The following AP1AR variants were observed in gnomAD, a reference collection of about 807,000 sequenced individuals.
AP1AR encodes AP-1 complex-associated regulatory protein.
AP1AR carries 29 observed loss-of-function variants against 46.3 expected under a neutral mutation model. The ratio of observed to expected loss-of-function variants is 0.63; its 90% CI spans 0.47 to 0.85. The LOEUF (loss-of-function observed/expected upper bound fraction) is 0.85. Ranked by LOEUF, AP1AR falls within the 40% of genes least tolerant of loss-of-function variation. The pLI is 0.00. For synonymous variants in AP1AR, 122 were observed against 122.9 expected (o/e 0.99, Z 0.05); for missense variants, 357 against 356.3 (o/e 1.00, Z -0.02).
intron 2 of AP1AR, among the ~76,000 whole-genome samples, chr4:112,253,962 TA>T (rs1241062955): frequency 3.3e-5 from 5 of 152,152 alleles, no homozygotes; most frequent in African/African-American, 1.2e-4. Flanking sequence ...CAAACTAATA[TA>T]AAAAAAGATA....
chr4:112,254,714 T>C, intron 2 of AP1AR, 33 bp from the exon 3 acceptor site: 1 of 1,440,434 alleles, frequency 6.9e-7, no homozygotes, highest in Non-Finnish European at 9.4e-7. Context: ...AAGACAAATA[T>C]TCCTCTTAAC....
chr4:112,256,448 G>A (rs17604008), intron 3 of AP1AR, among the ~76,000 whole-genome samples: 87,841 of 152,016 alleles, frequency 0.58, 26,386 homozygotes, highest in African/African-American at 0.75. Flanking sequence ...TCCCAGCATC[G>A]TAACACTTTT....
At chr4:112,257,545 T>C (rs1256329564) in intron 3 of AP1AR, among the ~76,000 whole-genome samples, 1 of 152,222 alleles carries the variant, frequency 6.6e-6, no homozygotes, top group South Asian at 2.1e-4. Flanking sequence ...TTTTATGTAA[T>C]TAAGCTAGAT....
intron 1 of AP1AR, among the ~76,000 whole-genome samples, chr4:112,232,572 T>G (rs1295894209): frequency 6.6e-6 from 1 of 152,200 alleles, no homozygotes; most frequent in Non-Finnish European, 1.5e-5. Flanking sequence ...TGACCCTCTC[T>G]TTAGCCCTGG....
chr4:112,260,892 A>G (rs755607226), intron 5 of AP1AR, 30 bp downstream of exon 5: 2 of 1,341,130 alleles, frequency 1.5e-6, no homozygotes, highest in East Asian at 2.4e-5. Flanking sequence ...GCTTAAGTAC[A>G]TGTTATCATA....
At chr4:112,241,462 A>G (rs181778426) in intron 1 of AP1AR, among the ~76,000 whole-genome samples, 249 of 152,330 alleles carry the variant, frequency 1.6e-3, no homozygotes, top group African/African-American at 5.3e-3. Context: ...GCGGAAGACC[A>G]GTGTCTCAGC....
At chr4:112,264,925 A>T in intron 6 of AP1AR, 84 bp from the exon 7 acceptor site, 1 of 1,038,936 alleles carries the variant, frequency 9.6e-7, no homozygotes, top group Non-Finnish European at 1.4e-6. Context: ...CTAGAAAAAA[A>T]TACTTTTTGG....
At chr4:112,244,329 A>C (rs1725632991) in intron 1 of AP1AR, among the ~76,000 whole-genome samples, 1 of 152,218 alleles carries the variant, frequency 6.6e-6, no homozygotes, top group Non-Finnish European at 1.5e-5. Context: ...AAGAGCCCAC[A>C]AATTTTGAAG....
intron 4 of AP1AR, among the ~76,000 whole-genome samples, chr4:112,260,346 TAGG>T (rs1360539611): frequency 6.6e-6 from 1 of 151,988 alleles, no homozygotes; most frequent in African/African-American, 2.4e-5. Context: ...CAGGATAAAA[TAGG>T]AGGATTAAGA....
chr4:112,239,618 CT>C (rs1333257690), intron 1 of AP1AR, among the ~76,000 whole-genome samples: 2 of 152,190 alleles, frequency 1.3e-5, no homozygotes, highest in Non-Finnish European at 2.9e-5. Context: ...TCTTAAATAA[CT>C]TTTCAGTCCA....
intron 9 of AP1AR, 121 bp downstream of exon 9, chr4:112,266,837 C>T (rs956546490): frequency 2.1e-6 from 2 of 932,412 alleles, no homozygotes; most frequent in Admixed American, 3.4e-5. Flanking sequence ...ATCATATAAA[C>T]ACTTTTTAGA....
Position 112,271,047 on chromosome 4 carries a change from G to T in AP1AR, c.*2638G>T, listed in dbSNP as rs140991916. On this transcript the variant is annotated 3_prime_UTR_variant, in exon 10 of 10. Transcript: ENST00000274000. ...AATCATCAGGATTTTCTGATGGGTTGGATATAAGACTAAAGGAAGGGGTAG... is the reference window on the plus strand; with the variant it reads ...AATCATCAGGATTTTCTGATGGGTTTGATATAAGACTAAAGGAAGGGGTAG... 1.5e-3 allele frequency among the ~76,000 whole-genome samples: 225 copies of T among 152,242 alleles called. No homozygotes were observed. The highest frequency in any genetic ancestry group is 3.4e-3 in the Middle Eastern group (1 of 294).
chr4:112,239,177 A>G (rs1725377279), intron 1 of AP1AR, among the ~76,000 whole-genome samples: 1 of 152,066 alleles, frequency 6.6e-6, no homozygotes, highest in South Asian at 2.1e-4. Context: ...CTAATCTGAA[A>G]ACCAAAAGGA....
In AP1AR at chr4:112,265,731, C is replaced by A. The variant is rs562251972; in HGVS notation, c.441-3C>A. On this transcript the variant is annotated splice_polypyrimidine_tract_variant and splice_region_variant and intron_variant, in intron 7 of 9. Transcript: ENST00000274000. ...TTAAAAAATTATTTCACTTTTATTACAGTTCAGGACCAGAAGATGACTTCG... is the reference window on the plus strand; with the variant it reads ...TTAAAAAATTATTTCACTTTTATTAAAGTTCAGGACCAGAAGATGACTTCG... The A allele has an allele frequency of 3.7e-6, 6 of 1,601,640 alleles. No individual in the cohort carries two copies. The highest frequency in any genetic ancestry group is 5.1e-6 in the Non-Finnish European group (6 of 1,173,810).
intron 1 of AP1AR, among the ~76,000 whole-genome samples, chr4:112,241,645 C>G (rs1212497000): frequency 6.6e-6 from 1 of 152,178 alleles, no homozygotes; most frequent in African/African-American, 2.4e-5. Context: ...TGCAGATGCA[C>G]CAGATATAAT....
intron 1 of AP1AR, among the ~76,000 whole-genome samples, chr4:112,245,105 A>G (rs1281051729): frequency 2.0e-5 from 3 of 152,154 alleles, no homozygotes; most frequent in African/African-American, 7.2e-5. Flanking sequence ...AGCAGTTACT[A>G]TTGAAAATAG....
intron 7 of AP1AR, among the ~76,000 whole-genome samples, chr4:112,265,493 G>T (rs1488242677): frequency 6.6e-6 from 1 of 151,872 alleles, no homozygotes; most frequent in Non-Finnish European, 1.5e-5. Context: ...TTATTGTAAA[G>T]TTGGACTTAT....
chr4:112,260,188 A>G (rs1484649797), intron 4 of AP1AR, among the ~76,000 whole-genome samples: 2 of 152,176 alleles, frequency 1.3e-5, no homozygotes, highest in East Asian at 3.9e-4. Context: ...ATAGGAGTGT[A>G]AGAAGGTGAG....
intron 1 of AP1AR, among the ~76,000 whole-genome samples, chr4:112,237,213 TCTC>T (rs1462855999): frequency 6.6e-6 from 1 of 152,120 alleles, no homozygotes; most frequent in African/African-American, 2.4e-5. Context: ...TTCAAGCAAT[TCTC>T]CTGCCTCAGC....
Sources: allele counts gnomAD v4.1 joint callset (sites outside exome capture counted in the v4.1 genomes callset), GRCh38; gene constraint gnomAD v4.1.1; transcripts MANE v1.5; gene names NCBI Gene and HGNC (gene_info 2026-07-23, HGNC 2026-07-21).